The following SPP2 variants were observed in gnomAD, a reference collection of about 807,000 sequenced individuals.
The protein encoded by SPP2 is secreted phosphoprotein 2.
A neutral mutation model predicts 28.8 loss-of-function variants in SPP2; 34 were observed. The observed-to-expected ratio is 1.18, with a 90% confidence interval of 0.90 to 1.57. SPP2 has a LOEUF of 1.57. Ranked by LOEUF, SPP2 falls within the 40% of genes most tolerant of loss-of-function variation. The pLI, the probability that SPP2 is intolerant of heterozygous loss-of-function variation, is 0.00. For missense variants in SPP2, 269 were observed against 263.9 expected, an observed-to-expected ratio of 1.02 and a Z score of -0.13; for synonymous variants, 96 against 89.4, an observed-to-expected ratio of 1.07 and a Z score of -0.42.
At chr2:234,057,095 G>A (rs905270151) in intron 2 of SPP2, among the ~76,000 whole-genome samples, 1 of 152,118 alleles carries the variant, frequency 6.6e-6, no homozygotes, top group Non-Finnish European at 1.5e-5. Context: ...TCCTGGGGGT[G>A]TTGTCAGGTA....
chr2:234,056,653 A>G (rs1030165051), intron 2 of SPP2, among the ~76,000 whole-genome samples: 2 of 152,086 alleles, frequency 1.3e-5, no homozygotes, highest in African/African-American at 4.8e-5. Flanking sequence ...GCTGAAGCTC[A>G]CCCTGCAGTG....
chr2:234,054,397 G>A (rs191515343), intron 2 of SPP2, among the ~76,000 whole-genome samples: 5 of 152,238 alleles, frequency 3.3e-5, no homozygotes, highest in East Asian at 3.9e-4. Context: ...TTGGGCCACC[G>A]TAACAAAGTA....
At chr2:234,071,830 A>G (rs1690792709) in intron 7 of SPP2, among the ~76,000 whole-genome samples, 1 of 152,122 alleles carries the variant, frequency 6.6e-6, no homozygotes, top group South Asian at 2.1e-4. Context: ...CTGCCTCACC[A>G]TTCAGGTCCC....
intron 4 of SPP2, among the ~76,000 whole-genome samples, chr2:234,062,413 C>A (rs2125459725): frequency 6.6e-6 from 1 of 152,230 alleles, no homozygotes; most frequent in Admixed American, 6.5e-5. Flanking sequence ...ATGGACAGAA[C>A]TCCATTACAA....
In SPP2 at chr2:234,051,009, G is replaced by A. The variant is rs114861790; in HGVS notation, c.124G>A (p.Asp42Asn). The stretch of plus-strand genomic sequence containing the variant: ...CGACTACGATCCATCCTCCTTAAGG[G>A]ATGCCCTCAGTGCCTCTGTGGTAAA... Reference protein sequence around the residue: ...VYDYDPSSLRDALSASVVKVN... With the variant: ...VYDYDPSSLRNALSASVVKVN... The change falls in exon 2 of 8, where the codon GAT becomes AAT. Residue 42 changes from aspartate to asparagine, a missense_variant. Coordinates refer to ENST00000168148, the MANE Select transcript of SPP2 (RefSeq NM_006944.3). 3.6e-5 allele frequency: 58 copies of A among 1,613,986 alleles called. No individual in the cohort carries two copies. The East Asian group carries it at 1.3e-3, about 35-fold the overall frequency.
At chr2:234,062,845 C>A (rs1459402132) in intron 4 of SPP2, among the ~76,000 whole-genome samples, 1 of 152,146 alleles carries the variant, frequency 6.6e-6, no homozygotes, top group African/African-American at 2.4e-5. Flanking sequence ...TCTGTTGCAG[C>A]TTTCTAATTG....
intron 2 of SPP2, among the ~76,000 whole-genome samples, chr2:234,058,515 G>A (rs1288657324): frequency 6.6e-6 from 1 of 152,152 alleles, no homozygotes; most frequent in Non-Finnish European, 1.5e-5. Context: ...TAGTGAGTAG[G>A]TGAGTTTGCC....
chr2:234,069,740 A>G (rs1693895789), intron 6 of SPP2, among the ~76,000 whole-genome samples, 188 bp from the exon 7 acceptor site: 2 of 152,114 alleles, frequency 1.3e-5, no homozygotes, highest in African/African-American at 2.4e-5. Flanking sequence ...CTGAAACACA[A>G]CACGGGGGAG....
At chr2:234,055,986 G>C (rs1693599887) in intron 2 of SPP2, 1 of 151,970 alleles carries the variant, frequency 6.6e-6, no homozygotes, top group Non-Finnish European at 1.5e-5. Context: ...TGCTATGTTG[G>C]TGTGCTGCAC....
At chr2:234,061,724 C>T (rs1017451512) in intron 4 of SPP2, among the ~76,000 whole-genome samples, 1 of 152,196 alleles carries the variant, frequency 6.6e-6, no homozygotes, top group African/African-American at 2.4e-5. Flanking sequence ...ATGACTGAGA[C>T]ACTCCTATTG....
intron 3 of SPP2, among the ~76,000 whole-genome samples, chr2:234,059,325 G>T (rs1023220078): frequency 6.6e-6 from 1 of 152,118 alleles, no homozygotes; most frequent in South Asian, 2.1e-4. Context: ...CACATGTCAC[G>T]TTCTTTTGCC....
intron 6 of SPP2, among the ~76,000 whole-genome samples, chr2:234,067,730 T>C (rs1237739221): frequency 7.7e-6 from 1 of 130,618 alleles, no homozygotes; most frequent in Non-Finnish European, 1.5e-5. Context: ...TGAGCCGAGA[T>C]TGCGCCACTG....
intron 7 of SPP2, among the ~76,000 whole-genome samples, chr2:234,075,478 G>A (rs945382157): frequency 2.0e-5 from 3 of 152,102 alleles, no homozygotes; most frequent in African/African-American, 7.2e-5. Context: ...TTCTCCTCCT[G>A]GACCTCACGG....
intron 7 of SPP2, among the ~76,000 whole-genome samples, chr2:234,075,528 C>A (rs1338990715): frequency 6.6e-6 from 1 of 152,196 alleles, no homozygotes; most frequent in Admixed American, 6.5e-5. Flanking sequence ...TTTCTTGAAA[C>A]CCTCTGACCT....
At chr2:234,074,796 G>C (rs1463839599) in intron 7 of SPP2, among the ~76,000 whole-genome samples, 2 of 152,094 alleles carry the variant, frequency 1.3e-5, no homozygotes, top group Non-Finnish European at 2.9e-5. Context: ...CTGTTTAGAT[G>C]CCGTATTTAA....
At chr2:234,072,362 C>A (rs1690808502) in intron 7 of SPP2, among the ~76,000 whole-genome samples, 1 of 152,048 alleles carries the variant, frequency 6.6e-6, no homozygotes, top group Non-Finnish European at 1.5e-5. Context: ...ACAGATGCAT[C>A]ATATTCCTTT....
intron 2 of SPP2, among the ~76,000 whole-genome samples, chr2:234,051,926 C>G (rs1507516): frequency 6.6e-6 from 1 of 152,176 alleles, no homozygotes; most frequent in African/African-American, 2.4e-5. Context: ...CTTCTCCCAT[C>G]CCTCCTGGAC....
chr2:234,054,214 G>A (rs1559170799), intron 2 of SPP2, among the ~76,000 whole-genome samples: 2 of 152,194 alleles, frequency 1.3e-5, no homozygotes, highest in South Asian at 4.1e-4. Flanking sequence ...TTGAGAGGGA[G>A]GCTGGCTAGA....
At chr2:234,051,633 G>A (rs1017787695) in intron 2 of SPP2, among the ~76,000 whole-genome samples, 1 of 152,182 alleles carries the variant, frequency 6.6e-6, no homozygotes, top group African/African-American at 2.4e-5. Flanking sequence ...TCCTTCAAAG[G>A]AAATGAGAAA....
Sources: gnomAD v4.1 joint callset for allele counts (sites outside exome capture counted in the v4.1 genomes callset) on GRCh38, gnomAD v4.1.1 for gene constraint, MANE v1.5 for transcripts, NCBI Gene and HGNC (gene_info 2026-07-23, HGNC 2026-07-21) for gene names.